Variants in HECW2 observed in about 807,000 individuals in gnomAD.
HECW2 encodes E3 ubiquitin-protein ligase HECW2.
HECW2 carries 61 observed loss-of-function variants against 175.2 expected under a neutral mutation model. That is an observed-to-expected ratio of 0.35 (90% CI 0.28 to 0.43). The LOEUF (loss-of-function observed/expected upper bound fraction) is 0.43, where lower values mean the gene tolerates loss of function less well. Ranked by LOEUF, HECW2 falls within the 20% of genes least tolerant of loss-of-function variation. HECW2 has a pLI of 1.00. For synonymous variants in HECW2, 671 were observed against 731.0 expected, an observed-to-expected ratio of 0.92 and a Z score of 1.32; for missense variants, 1,524 against 2,000.5, an observed-to-expected ratio of 0.76 and a Z score of 4.54.
intron 28 of HECW2, among the ~76,000 whole-genome samples, chr2:196,204,043 T>C (rs1172881718): frequency 6.6e-6 from 1 of 152,242 alleles, no homozygotes; most frequent in Non-Finnish European, 1.5e-5. Flanking sequence ...ATTTCCTTCC[T>C]TTTTAAGGCT....
Position 196,322,668 on chromosome 2 carries a change from T to C in HECW2, c.742-48A>G, listed in dbSNP as rs200421212. The C allele has an allele frequency of 2.4e-4, 361 of 1,499,664 alleles. 1 individual carries two copies. In the South Asian group the frequency reaches 3.3e-3, roughly 14 times the overall value. The allele number at this position is 1,499,664 out of a possible 1,614,324, so 92.9% of individuals were successfully genotyped here. A position where few individuals can be genotyped will look rare whatever the true frequency, so the allele number is the denominator to read the frequency against. ...TGCTGGTTTAAAAGAAAGACAAATA[T>C]GATACTATATCATTTTATTTGTATA... On this transcript the variant is annotated intron_variant, in intron 6 of 28. Coordinates refer to ENST00000644978, the MANE Select transcript of HECW2 (RefSeq NM_001348768.2).
chr2:196,332,583 C>G (rs940029169), intron 4 of HECW2, among the ~76,000 whole-genome samples: 3 of 152,130 alleles, frequency 2.0e-5, no homozygotes, highest in African/African-American at 7.2e-5. Flanking sequence ...AATCTCAATG[C>G]AAAAATCAAT....
At chr2:196,381,908 T>G (rs1471871197) in intron 2 of HECW2, among the ~76,000 whole-genome samples, 1 of 152,182 alleles carries the variant, frequency 6.6e-6, no homozygotes, top group Non-Finnish European at 1.5e-5. Context: ...TGATTATTCA[T>G]TACAGCACTA....
At chr2:196,578,242 G>A (rs553137663) in intron 1 of HECW2, among the ~76,000 whole-genome samples, 1 of 152,090 alleles carries the variant, frequency 6.6e-6, no homozygotes, top group East Asian at 1.9e-4. Context: ...CACTAGAGGG[G>A]TTCAATAGTA....
At chr2:196,271,171 C>A in intron 17 of HECW2, 22 bp downstream of exon 17, 1 of 1,410,592 alleles carries the variant, frequency 7.1e-7, no homozygotes, top group South Asian at 1.2e-5. Flanking sequence ...CAACTTGAAC[C>A]AAATACCAAT....
intron 28 of HECW2, among the ~76,000 whole-genome samples, chr2:196,208,459 A>AT (rs1687146906): frequency 6.6e-6 from 1 of 152,254 alleles, no homozygotes; most frequent in Non-Finnish European, 1.5e-5. Flanking sequence ...CAGATAAGGT[A>AT]CTTGTTCTCA....
intron 1 of HECW2, among the ~76,000 whole-genome samples, chr2:196,447,211 G>GTTT (rs111898174): frequency 2.6e-5 from 4 of 151,054 alleles, no homozygotes; most frequent in Non-Finnish European, 5.9e-5. Flanking sequence ...TTTTCCAATT[G>GTTT]TTTTTTTTTA....
chr2:196,222,204 C>A lies in HECW2; in HGVS notation c.4146+7G>T, dbSNP rs780356657. 4 of 1,612,030 alleles carry A rather than the reference C, an allele frequency of 2.5e-6. No homozygotes were observed. The highest frequency in any genetic ancestry group is 2.5e-6 in the Non-Finnish European group (3 of 1,178,928). Reference sequence around the variant, plus strand: ...CACTTAGGCGCCAGGTGTGCAGATACACACACCTGCCCAAATACTTCTTCG... The same window carrying A: ...CACTTAGGCGCCAGGTGTGCAGATAAACACACCTGCCCAAATACTTCTTCG... On this transcript the variant is annotated splice_region_variant and intron_variant, in intron 24 of 28. Transcript: ENST00000644978.
At chr2:196,437,837 A>G (rs1695925948) in intron 1 of HECW2, among the ~76,000 whole-genome samples, 1 of 152,150 alleles carries the variant, frequency 6.6e-6, no homozygotes, top group Non-Finnish European at 1.5e-5. Flanking sequence ...GAGAGACTCC[A>G]AGGACAGTGT....
chr2:196,454,305 C>T (rs1264142464), intron 1 of HECW2, among the ~76,000 whole-genome samples: 2 of 152,182 alleles, frequency 1.3e-5, no homozygotes, highest in Non-Finnish European at 2.9e-5. Flanking sequence ...TAGAGCAAAA[C>T]TATTTTGTAG....
At chr2:196,304,759 T>C (rs1691197824) in intron 13 of HECW2, among the ~76,000 whole-genome samples, 1 of 152,336 alleles carries the variant, frequency 6.6e-6, no homozygotes, top group South Asian at 2.1e-4. Context: ...ATATATGAGT[T>C]TAGGTTTGTG....
intron 1 of HECW2, among the ~76,000 whole-genome samples, chr2:196,581,736 T>C (rs868026343): frequency 6.6e-6 from 1 of 152,078 alleles, no homozygotes; most frequent in African/African-American, 2.4e-5. Flanking sequence ...GAAACATTCA[T>C]TGATTTGGAC....
chr2:196,562,825 C>T lies in HECW2; in HGVS notation c.-36+30683G>A, dbSNP rs537008100. Among the ~76,000 whole-genome samples the T allele has an allele frequency of 1.9e-4, 29 of 152,264 alleles. No individual in the cohort carries two copies. In the South Asian group the frequency reaches 5.8e-3, roughly 30 times the overall value. On this transcript the variant is annotated intron_variant, in intron 1 of 28. Coordinates refer to ENST00000644978, the MANE Select transcript of HECW2 (RefSeq NM_001348768.2). ...TTGGTAGGCTGAGGCAGAAGGATCA[C>T]TTGAGCCCAGGAGTTCAAGACTAGC...
At chr2:196,384,251 A>T (rs1433008492) in intron 2 of HECW2, among the ~76,000 whole-genome samples, 1 of 152,134 alleles carries the variant, frequency 6.6e-6, no homozygotes, top group East Asian at 1.9e-4. Flanking sequence ...AAAAAAAATG[A>T]TTAAGGCTTG....
intron 1 of HECW2, among the ~76,000 whole-genome samples, chr2:196,522,295 C>A (rs1052469932): frequency 6.6e-6 from 1 of 152,180 alleles, no homozygotes; most frequent in Non-Finnish European, 1.5e-5. Flanking sequence ...TGAGAAGTGT[C>A]TGTTCATGTC....
intron 21 of HECW2, among the ~76,000 whole-genome samples, chr2:196,228,967 G>A (rs1319419617): frequency 6.6e-6 from 1 of 152,118 alleles, no homozygotes; most frequent in African/African-American, 2.4e-5. Context: ...AAGATGTCAG[G>A]GTCAAACTGA....
chr2:196,261,676 T>C (rs1460161606), intron 17 of HECW2, among the ~76,000 whole-genome samples: 1 of 152,258 alleles, frequency 6.6e-6, no homozygotes, highest in Non-Finnish European at 1.5e-5. Context: ...TATCCTCATA[T>C]TAATAGCATT....
At chr2:196,382,102 A>C (rs1355491654) in intron 2 of HECW2, among the ~76,000 whole-genome samples, 1 of 152,084 alleles carries the variant, frequency 6.6e-6, no homozygotes, top group Non-Finnish European at 1.5e-5. Flanking sequence ...AAAGTGTAGA[A>C]TAGTGCATAT....
chr2:196,444,441 G>C (rs1696126510), intron 1 of HECW2, among the ~76,000 whole-genome samples: 1 of 152,168 alleles, frequency 6.6e-6, no homozygotes, highest in South Asian at 2.1e-4. Context: ...CTATCATGCA[G>C]TCTATACTCC....
Sources: gnomAD v4.1 joint callset for allele counts (sites outside exome capture counted in the v4.1 genomes callset) on GRCh38, gnomAD v4.1.1 for gene constraint, MANE v1.5 for transcripts, NCBI Gene and HGNC (gene_info 2026-07-23, HGNC 2026-07-21) for gene names.